Variants in NAV3 observed in about 807,000 individuals in gnomAD.
NAV3 encodes neuron navigator 3, also known as pore membrane and/or filament interacting like protein 1.
A neutral mutation model predicts 244.7 loss-of-function variants in NAV3; 87 were observed. That is an observed-to-expected ratio of 0.36 (90% CI 0.30 to 0.42). The LOEUF (loss-of-function observed/expected upper bound fraction) is 0.42, where lower values mean the gene tolerates loss of function less well. NAV3 is among the 20% of genes least tolerant of loss of function. The pLI, the probability that NAV3 is intolerant of heterozygous loss-of-function variation, is 1.00. For missense variants in NAV3, 2,663 were observed against 2,893.3 expected (o/e 0.92, Z 1.83); for synonymous variants, 1,126 against 1,042.2 (o/e 1.08, Z -1.55).
chr12:77,691,255 A>G (rs774379962), intron 2 of NAV3, among the ~76,000 whole-genome samples: 1 of 147,588 alleles, frequency 6.8e-6, no homozygotes, highest in Non-Finnish European at 1.5e-5. Flanking sequence ...ATTTTCTGAT[A>G]TCAAATTTTT....
chr12:78,192,067 A>G (rs1222030425), intron 34 of NAV3, among the ~76,000 whole-genome samples: 7 of 152,156 alleles, frequency 4.6e-5, no homozygotes, highest in Admixed American at 4.6e-4. Flanking sequence ...TTTAAAACAT[A>G]GCTTTCCCTA....
chr12:77,918,049 A>T (rs1887333660), intron 1 of NAV3, among the ~76,000 whole-genome samples: 1 of 152,102 alleles, frequency 6.6e-6, no homozygotes, highest in African/African-American at 2.4e-5. Flanking sequence ...AATTTAAAAA[A>T]GTCCAAATTG....
intron 2 of NAV3, among the ~76,000 whole-genome samples, chr12:77,605,842 GA>G (rs34707696): frequency 7.1e-4 from 99 of 139,522 alleles, no homozygotes; most frequent in East Asian, 1.2e-3. Flanking sequence ...TCCGTCTCAA[GA>G]AAAAAAAAAA....
At chr12:77,659,341 CA>C (rs1873308494) in intron 2 of NAV3, among the ~76,000 whole-genome samples, 1 of 151,674 alleles carries the variant, frequency 6.6e-6, no homozygotes, top group Non-Finnish European at 1.5e-5. Context: ...TTTATGCAGC[CA>C]AAAAACACAT....
intron 1 of NAV3, among the ~76,000 whole-genome samples, chr12:77,850,721 G>GA (rs1403994942): frequency 6.6e-6 from 1 of 151,954 alleles, no homozygotes; most frequent in East Asian, 1.9e-4. Context: ...TCTTCAGATG[G>GA]ATGGATACAG....
At chr12:77,692,278 T>C (rs1473860606) in intron 2 of NAV3, among the ~76,000 whole-genome samples, 1 of 152,076 alleles carries the variant, frequency 6.6e-6, no homozygotes, top group Non-Finnish European at 1.5e-5. Context: ...TAATAAAATA[T>C]TTTACATTTA....
chr12:78,050,873 T>A lies in NAV3; in HGVS notation c.2242T>A (p.Cys748Ser), dbSNP rs1882643583. 6.2e-7 allele frequency: 1 copy of A among 1,614,166 alleles called. No homozygotes were observed. The highest frequency in any genetic ancestry group is 8.5e-7 in the Non-Finnish European group (1 of 1,180,034). Reference sequence around the variant, plus strand: ...CATGACCTGGAGGTTGGGCCAGGCATGTCCGCGACTTCAGGCGGGAGATGC... The same window carrying A: ...CATGACCTGGAGGTTGGGCCAGGCAAGTCCGCGACTTCAGGCGGGAGATGC... Reference protein sequence around the residue: ...TPMTWRLGQACPRLQAGDAPS... With the variant: ...TPMTWRLGQASPRLQAGDAPS... The change falls in exon 11 of 40, where the codon TGT becomes AGT. Residue 748 changes from cysteine to serine, a missense_variant. Transcript: ENST00000397909.
At position 77,872,065 on chromosome 12, in the gene NAV3, C is replaced by T. The variant is rs538215586; in HGVS notation, c.243+40361C>T. Among the ~76,000 whole-genome samples the T allele has an allele frequency of 5.3e-5, 8 of 152,060 alleles. No homozygotes were observed. The South Asian group carries it at 6.2e-4, about 12-fold the overall frequency. On this transcript the variant is annotated intron_variant, in intron 1 of 39. Coordinates refer to ENST00000397909, the MANE Select transcript of NAV3 (RefSeq NM_001024383.2). Reference sequence around the variant, plus strand: ...GATGATGAGCTTTTTTTCATATGTTCGTCGGCTGCACAAATGTCTTCTTTT... The same window carrying T: ...GATGATGAGCTTTTTTTCATATGTTTGTCGGCTGCACAAATGTCTTCTTTT...
intron 2 of NAV3, among the ~76,000 whole-genome samples, chr12:77,766,735 G>GTTTGTTTTTTTTTT (rs1555202961): frequency 0.027 from 1,648 of 60,492 alleles, 455 homozygotes; most frequent in South Asian, 0.041. Context: ...AGGCAATTAA[G>GTTTGTTTTTTTTTT]TTTTTTTTTT....
intron 7 of NAV3, among the ~76,000 whole-genome samples, chr12:78,000,915 T>C (rs919246370): frequency 1.3e-5 from 2 of 149,978 alleles, no homozygotes; most frequent in Non-Finnish European, 3.0e-5. Context: ...GAGGCGGAGC[T>C]TGCAGTGAGC....
chr12:78,082,396 C>T lies in NAV3; in HGVS notation c.2636+23281C>T, dbSNP rs565879369. ...TGTGTTATTTTGTCAATTTATCACC[C>T]GTTTTGAAAATATCTGTGCACATAT... On this transcript the variant is annotated intron_variant, in intron 12 of 39. Coordinates refer to ENST00000397909, the MANE Select transcript of NAV3 (RefSeq NM_001024383.2). 1.8e-4 allele frequency among the ~76,000 whole-genome samples: 27 copies of T among 152,152 alleles called. No individual in the cohort carries two copies. In the South Asian group the frequency reaches 2.7e-3, roughly 15 times the overall value.
At chr12:78,072,286 T>C (rs1327192194) in intron 12 of NAV3, among the ~76,000 whole-genome samples, 30 of 147,130 alleles carry the variant, frequency 2.0e-4, no homozygotes, top group African/African-American at 7.3e-4. Flanking sequence ...GATAGACCGC[T>C]AGCAAGACTA....
chr12:77,638,695 G>A (rs1267887447), intron 2 of NAV3, among the ~76,000 whole-genome samples: 1 of 152,120 alleles, frequency 6.6e-6, no homozygotes, highest in Non-Finnish European at 1.5e-5. Flanking sequence ...TTTTGTCATT[G>A]TACTTGAATA....
chr12:77,785,764 T>C (rs980281268), intron 2 of NAV3, among the ~76,000 whole-genome samples: 17 of 152,202 alleles, frequency 1.1e-4, no homozygotes, highest in African/African-American at 4.1e-4. Context: ...ATGGTCTTTC[T>C]CATGAAAGGA....
chr12:77,585,889 G>T (rs1387686044), intron 2 of NAV3, among the ~76,000 whole-genome samples: 1 of 152,170 alleles, frequency 6.6e-6, no homozygotes, highest in Admixed American at 6.5e-5. Flanking sequence ...CTAGCTGGGC[G>T]CGGTGGCACA....
chr12:77,815,409 T>C (rs2136013689), intron 2 of NAV3, among the ~76,000 whole-genome samples: 1 of 152,312 alleles, frequency 6.6e-6, no homozygotes, highest in Admixed American at 6.5e-5. Flanking sequence ...GCTACTGTTT[T>C]CTCTCATTAC....
At chr12:77,978,223 A>T (rs1469291556) in intron 5 of NAV3, among the ~76,000 whole-genome samples, 2 of 152,178 alleles carry the variant, frequency 1.3e-5, no homozygotes, top group Non-Finnish European at 2.9e-5. Context: ...TGCCATAAAT[A>T]TGTAGATAAC....
chr12:78,055,089 TCAAG>T (rs1478487174), intron 11 of NAV3, among the ~76,000 whole-genome samples: 2 of 152,182 alleles, frequency 1.3e-5, no homozygotes, highest in Admixed American at 6.6e-5. Context: ...ATCCTATGTG[TCAAG>T]CAACATTCCA....
intron 18 of NAV3, among the ~76,000 whole-genome samples, chr12:78,136,165 C>G (rs1350115026): frequency 1.3e-5 from 2 of 152,162 alleles, no homozygotes; most frequent in African/African-American, 4.8e-5. Flanking sequence ...GAAGTGATGT[C>G]AGAACAACTC....
Sources: allele counts gnomAD v4.1 joint callset (sites outside exome capture counted in the v4.1 genomes callset), GRCh38; gene constraint gnomAD v4.1.1; transcripts MANE v1.5; gene names NCBI Gene and HGNC (gene_info 2026-07-23, HGNC 2026-07-21).